Variants in MSRA observed in about 807,000 individuals in gnomAD.
MSRA encodes mitochondrial peptide methionine sulfoxide reductase.
Under a neutral mutation model 31.3 loss-of-function variants are expected in MSRA, and 54 were observed. That is an observed-to-expected ratio of 1.73 (90% CI 1.39 to 2.17). The LOEUF is 2.17. MSRA is among the 30% of genes most tolerant of loss of function. The pLI is 0.00. For missense variants in MSRA, 507 were observed against 300.9 expected (o/e 1.69, Z -5.07); for synonymous variants, 169 against 116.5 (o/e 1.45, Z -2.90).
intron 1 of MSRA, among the ~76,000 whole-genome samples, chr8:10,101,944 G>T (rs186695968): frequency 6.6e-6 from 1 of 151,886 alleles, no homozygotes; most frequent in Non-Finnish European, 1.5e-5. Flanking sequence ...TTTTTTCAGC[G>T]CAACTTCAGT....
At chr8:10,174,444 C>T (rs10090116) in intron 1 of MSRA, among the ~76,000 whole-genome samples, 9,300 of 152,122 alleles carry the variant, frequency 0.061, 546 homozygotes, top group African/African-American at 0.16. Context: ...TTCCCACAAC[C>T]CTTCTGTCTT....
intron 1 of MSRA, among the ~76,000 whole-genome samples, chr8:10,075,659 GT>G (rs1797961903): frequency 6.6e-6 from 1 of 152,178 alleles, no homozygotes; most frequent in African/African-American, 2.4e-5. Context: ...AAAAGACATT[GT>G]TTTATGTTCT....
At chr8:10,103,982 A>G (rs1026136470) in intron 1 of MSRA, among the ~76,000 whole-genome samples, 2 of 152,224 alleles carry the variant, frequency 1.3e-5, no homozygotes, top group Non-Finnish European at 1.5e-5. Flanking sequence ...TTACATGTTT[A>G]AAAACTTTGA....
At chr8:10,327,276 C>T (rs189287241) in intron 5 of MSRA, among the ~76,000 whole-genome samples, 100 of 152,286 alleles carry the variant, frequency 6.6e-4, no homozygotes, top group African/African-American at 2.3e-3. Flanking sequence ...ACCCACCTGT[C>T]CCTATCATCA....
At chr8:10,208,498 C>T (rs987332189) in intron 2 of MSRA, among the ~76,000 whole-genome samples, 15 of 152,138 alleles carry the variant, frequency 9.9e-5, no homozygotes, top group African/African-American at 3.4e-4. Context: ...TCCTTCCCTC[C>T]ATGCCTCATG....
chr8:10,424,703 T>G (rs1043149262), intron 5 of MSRA, among the ~76,000 whole-genome samples: 1 of 152,090 alleles, frequency 6.6e-6, no homozygotes, highest in Non-Finnish European at 1.5e-5. Flanking sequence ...GAGAAAGGCC[T>G]GGGGTGTTCT....
At chr8:10,330,903 C>T (rs1415715251) in intron 5 of MSRA, among the ~76,000 whole-genome samples, 1 of 152,190 alleles carries the variant, frequency 6.6e-6, no homozygotes, top group Non-Finnish European at 1.5e-5. Context: ...CCTCTACCCC[C>T]AGTGTGATGG....
At chr8:10,392,045 A>G (rs1481799600) in intron 5 of MSRA, among the ~76,000 whole-genome samples, 3 of 152,198 alleles carry the variant, frequency 2.0e-5, no homozygotes, top group Admixed American at 2.0e-4. Flanking sequence ...TCAGAAAATG[A>G]GGTGGGAAGG....
chr8:10,078,428 G>A (rs1053334738), intron 1 of MSRA, among the ~76,000 whole-genome samples: 7 of 152,206 alleles, frequency 4.6e-5, no homozygotes, highest in Non-Finnish European at 1.0e-4. Context: ...GACCCTTGGC[G>A]CAGCCCCGTT....
intron 5 of MSRA, among the ~76,000 whole-genome samples, chr8:10,408,354 C>T (rs912829438): frequency 2.6e-5 from 4 of 152,020 alleles, no homozygotes; most frequent in South Asian, 2.1e-4. Flanking sequence ...CTGGGCAATG[C>T]GGTGAAACCC....
intron 3 of MSRA, among the ~76,000 whole-genome samples, chr8:10,283,832 TATATACAC>T (rs1331268421): frequency 2.0e-4 from 13 of 65,320 alleles, no homozygotes; most frequent in Non-Finnish European, 3.6e-4. Context: ...TATATATATA[TATATACAC>T]ACACACACAC....
At chr8:10,108,566 G>A (rs1471601487) in intron 1 of MSRA, among the ~76,000 whole-genome samples, 1 of 152,070 alleles carries the variant, frequency 6.6e-6, no homozygotes, top group Non-Finnish European at 1.5e-5. Context: ...GAAAGTTAAG[G>A]CACTGTCATA....
chr8:10,225,068 C>T (rs1316785972), intron 2 of MSRA, among the ~76,000 whole-genome samples: 1 of 152,192 alleles, frequency 6.6e-6, no homozygotes, highest in African/African-American at 2.4e-5. Flanking sequence ...AACCCAGAGG[C>T]AGAGGTTGCA....
At chr8:10,106,121 G>A (rs1377098983) in intron 1 of MSRA, among the ~76,000 whole-genome samples, 1 of 152,230 alleles carries the variant, frequency 6.6e-6, no homozygotes, top group African/African-American at 2.4e-5. Flanking sequence ...TCATAGGTGA[G>A]GTTCTGGGCA....
intron 1 of MSRA, among the ~76,000 whole-genome samples, chr8:10,140,044 C>T (rs796349426): frequency 9.9e-5 from 15 of 152,252 alleles, no homozygotes; most frequent in African/African-American, 3.6e-4. Context: ...GGGAGCCTTC[C>T]GAAATGAAGA....
intron 5 of MSRA, among the ~76,000 whole-genome samples, chr8:10,405,088 G>A (rs1394235285): frequency 6.6e-6 from 1 of 152,154 alleles, no homozygotes; most frequent in Non-Finnish European, 1.5e-5. Context: ...CGTGGCCACC[G>A]CTCCAGTGTC....
intron 4 of MSRA, among the ~76,000 whole-genome samples, chr8:10,307,236 G>T (rs1450912939): frequency 1.3e-5 from 2 of 150,920 alleles, no homozygotes; most frequent in Non-Finnish European, 2.9e-5. Context: ...TGGCACAATT[G>T]GCTTACTGCA....
At chr8:10,166,201 G>T (rs1805104709) in intron 1 of MSRA, among the ~76,000 whole-genome samples, 1 of 152,172 alleles carries the variant, frequency 6.6e-6, no homozygotes, top group African/African-American at 2.4e-5. Context: ...GTTGGTGACA[G>T]GCTTCTTTAG....
chr8:10,174,691 A>G (rs1390592671), intron 1 of MSRA, among the ~76,000 whole-genome samples: 1 of 151,962 alleles, frequency 6.6e-6, no homozygotes. Context: ...CTCTTGCTCC[A>G]TCTTTCATTG....
Sources: gnomAD v4.1 joint callset for allele counts (sites outside exome capture counted in the v4.1 genomes callset) on GRCh38, gnomAD v4.1.1 for gene constraint, MANE v1.5 for transcripts, NCBI Gene and HGNC (gene_info 2026-07-23, HGNC 2026-07-21) for gene names.